The following PLXNA1 variants were observed in gnomAD, a reference collection of about 807,000 sequenced individuals.
PLXNA1 encodes the protein plexin-A1.
PLXNA1 carries 77 observed loss-of-function variants against 191.7 expected under a neutral mutation model. That is an observed-to-expected ratio of 0.40 (90% CI 0.33 to 0.49). The LOEUF is 0.49. Ranked by LOEUF, PLXNA1 falls within the 20% of genes least tolerant of loss-of-function variation. The probability of loss-of-function intolerance (pLI) is 0.63; values close to 1 mark genes in which losing one functional copy is unlikely to be tolerated. For synonymous variants in PLXNA1, 1,137 were observed against 1,156.4 expected (o/e 0.98, Z 0.34); for missense variants, 2,110 against 2,660.2 (o/e 0.79, Z 4.55).
chr3:126,997,783 T>C (rs915748664), intron 3 of PLXNA1, among the ~76,000 whole-genome samples: 1 of 152,216 alleles, frequency 6.6e-6, no homozygotes, highest in Non-Finnish European at 1.5e-5. Context: ...TCCCAGTGGC[T>C]GGCAGGGCCA....
At chr3:126,985,624 T>C (rs1439740264) in intron 1 of PLXNA1, among the ~76,000 whole-genome samples, 1 of 151,964 alleles carries the variant, frequency 6.6e-6, no homozygotes, top group Non-Finnish European at 1.5e-5. Context: ...CTGCCCATGC[T>C]CCCCTCCTAG....
rs1259524882 is a variant in PLXNA1, at chr3:127,032,791, C to T, written c.5550C>T (p.Ser1850=). 6.2e-7 allele frequency: 1 copy of T among 1,605,582 alleles called. No individual in the cohort carries two copies. Among genetic ancestry groups the T allele is most frequent in the Non-Finnish European group, 8.5e-7 (1 of 1,176,476 alleles). ...RLHLSQFNSM[S]ALHEIYSYIT... ...ACCTGAGCCAGTTCAACAGCATGAG[C>T]GCCTTGCACGAGATCTACTCCTACA... Residue 1850 remains serine (S), a synonymous_variant, in exon 31 of 32, where the codon AGC becomes AGT. Coordinates refer to ENST00000393409, the MANE Select transcript of PLXNA1 (RefSeq NM_032242.4).
intron 5 of PLXNA1, 39 bp from the exon 6 acceptor site, chr3:127,004,846 G>A: frequency 6.4e-7 from 1 of 1,566,178 alleles, no homozygotes; most frequent in Non-Finnish European, 8.7e-7. Flanking sequence ...GGCCCCGTAG[G>A]TCTCCCCATC....
At chr3:127,029,819 G>A (rs967275570) in intron 27 of PLXNA1, 55 bp from the exon 28 acceptor site, 19 of 1,490,666 alleles carry the variant, frequency 1.3e-5, no homozygotes, top group Admixed American at 2.2e-5. Context: ...AAACAGGCTC[G>A]GGCGGGGGGT....
At position 127,029,533 on chromosome 3, in the gene PLXNA1, T is replaced by TA; in HGVS notation, c.4868dup (p.Tyr1623Ter). 1 of 1,613,610 alleles carries TA rather than the reference T, an allele frequency of 6.2e-7. No homozygotes were observed. The highest frequency in any genetic ancestry group is 8.5e-7 in the Non-Finnish European group (1 of 1,179,818). Reference sequence around the variant, plus strand: ...CACCTTCACCAAGTCCCTCAGCAGATACGGTGAGGGGCCAGGCAGCGGGCG... The same window carrying TA: ...CACCTTCACCAAGTCCCTCAGCAGATAACGGTGAGGGGCCAGGCAGCGGGCG... ...SSTFTKSLSR[Y>*]ESMLRTASSP... is the part of the protein sequence containing the mutation. Residue 1623 changes from tyrosine to a stop codon, truncating the protein, a stop_gained and frameshift_variant, in exon 27 of 32, where the codon TAC becomes TAAC. Transcript: ENST00000393409. LOFTEE classifies it high-confidence loss of function.
rs1303260288 is a variant in PLXNA1 at position 127,014,471 on chromosome 3, C to T, written c.2605-7C>T. The T allele has an allele frequency of 1.9e-6, 3 of 1,600,548 alleles. No homozygotes were observed. Among genetic ancestry groups the T allele is most frequent in the African/African-American group, 2.7e-5 (2 of 74,898 alleles). ...GATGCCTGTACCCCAGCCTCTGCCT[C>T]CCTCAGCTGTCCCCCGAGACGGGCC... On this transcript the variant is annotated splice_polypyrimidine_tract_variant and splice_region_variant and intron_variant, in intron 12 of 31. Transcript: ENST00000393409.
chr3:127,008,413 A>G (rs1289669969), intron 9 of PLXNA1, among the ~76,000 whole-genome samples: 1 of 152,082 alleles, frequency 6.6e-6, no homozygotes, highest in Non-Finnish European at 1.5e-5. Flanking sequence ...GCTGAGTGGT[A>G]ATTGCTAGTA....
chr3:127,000,351 C>T (rs564625718), intron 3 of PLXNA1, among the ~76,000 whole-genome samples: 31 of 152,206 alleles, frequency 2.0e-4, no homozygotes, highest in South Asian at 1.9e-3. Flanking sequence ...CTGGGCCCAG[C>T]CACCTCGAGG....
chr3:126,993,755 G>C lies in PLXNA1; in HGVS notation c.1377+2189G>C, dbSNP rs540872536. Among the ~76,000 whole-genome samples the C allele has an allele frequency of 1.2e-4, 19 of 152,320 alleles. No individual in the cohort carries two copies. In the South Asian group the frequency reaches 2.1e-3, roughly 17 times the overall value. ...GGGACTTGGGTCTGAGTTTTGTTCGGAGGCCCCCCCAGGCAAGGCACGCCT... is the reference window on the plus strand; with the variant it reads ...GGGACTTGGGTCTGAGTTTTGTTCGCAGGCCCCCCCAGGCAAGGCACGCCT... On this transcript the variant is annotated intron_variant, in intron 3 of 31. Coordinates refer to ENST00000393409, the MANE Select transcript of PLXNA1 (RefSeq NM_032242.4).
chr3:127,012,122 C>G lies in PLXNA1; in HGVS notation c.2277C>G (p.Arg759=). 6.2e-7 allele frequency: 1 copy of G among 1,613,078 alleles called. No individual in the cohort carries two copies. Among genetic ancestry groups the G allele is most frequent in the Non-Finnish European group, 8.5e-7 (1 of 1,179,984 alleles). ...PGSPARVTAL[R]FNSSSLQCQN... is the part of the protein sequence containing the mutation. Reference sequence around the variant, plus strand: ...GCCCGGCCCGTGTCACCGCCCTGCGCTTCAACAGCTCCAGCCTGCAGTGCC... The same window carrying G: ...GCCCGGCCCGTGTCACCGCCCTGCGGTTCAACAGCTCCAGCCTGCAGTGCC... Residue 759 remains arginine, a synonymous_variant, in exon 10 of 32, where the codon CGC becomes CGG. Coordinates refer to ENST00000393409, the MANE Select transcript of PLXNA1 (RefSeq NM_032242.4).
Position 126,988,599 on chromosome 3 carries a change from G to A in PLXNA1, c.6G>A (p.Pro2=), listed in dbSNP as rs774541753. 25 of 1,512,714 alleles carry A rather than the reference G, an allele frequency of 1.7e-5. No individual in the cohort carries two copies. The highest frequency in any genetic ancestry group is 1.6e-4 in the South Asian group (12 of 76,074). 93.7% of individuals were successfully genotyped at this position (1,512,714 alleles called of 1,614,324 possible). The change falls in exon 2 of 32, where the codon CCG becomes CCA. Residue 2 remains proline, a synonymous_variant. Transcript: ENST00000393409. ...GCCCAAGGCCCCAGCCTGCCATGCC[G>A]CTGCCACCGCGGAGCCTGCAGGTGC... M[P]LPPRSLQVLL...
At position 127,022,230 on chromosome 3, in the gene PLXNA1, C is replaced by T. The variant is rs775284582; in HGVS notation, c.4184C>T (p.Thr1395Met). Reference protein sequence around the residue: ...DRGNVASLIMTALQGEMEYAT... With the variant: ...DRGNVASLIMMALQGEMEYAT... ...GGGAATGTGGCCTCGCTCATCATGA[C>T]GGCCCTGCAGGGCGAGATGGAATAC... Residue 1395 changes from threonine to methionine, a missense_variant, in exon 22 of 32, where the codon ACG (threonine) becomes ATG (methionine). By Grantham distance (81) the Thr-to-Met change is moderately conservative. This residue lies in a region of PLXNA1 where 559 missense variants were observed against 911.5 expected (regional missense o/e 0.61). Coordinates refer to ENST00000393409, the MANE Select transcript of PLXNA1 (RefSeq NM_032242.4). The T allele has an allele frequency of 2.5e-6, 4 of 1,613,416 alleles. No homozygotes were observed. Among genetic ancestry groups the T allele is most frequent in the Non-Finnish European group, 3.4e-6 (4 of 1,179,972 alleles).
Position 126,996,630 on chromosome 3 carries a change from C to T in PLXNA1, c.1377+5064C>T, listed in dbSNP as rs998124386. On this transcript the variant is annotated intron_variant, in intron 3 of 31. Coordinates refer to ENST00000393409, the MANE Select transcript of PLXNA1 (RefSeq NM_032242.4). The stretch of plus-strand genomic sequence containing the variant: ...GTGCTGGCCACAGGCAGCCCTGACC[C>T]AAGGGAGGTGCAGGGCAGGACTGAG... 2.0e-5 allele frequency among the ~76,000 whole-genome samples: 3 copies of T among 152,168 alleles called. No individual in the cohort carries two copies. The East Asian group carries it at 5.8e-4, about 29-fold the overall frequency.
At chr3:127,005,727 A>G (rs2079064798) in intron 7 of PLXNA1, among the ~76,000 whole-genome samples, 1 of 143,048 alleles carries the variant, frequency 7.0e-6, no homozygotes, top group Admixed American at 7.0e-5. Flanking sequence ...GGGGTGGGCT[A>G]TGTGGGGCGC....
Position 127,014,437 on chromosome 3 carries a change from G to A in PLXNA1, c.2605-41G>A, listed in dbSNP as rs753846042. On this transcript the variant is annotated intron_variant, in intron 12 of 31. Coordinates refer to ENST00000393409, the MANE Select transcript of PLXNA1 (RefSeq NM_032242.4). ...CGCCCTGCACCACCGCACACCCTAC[G>A]CCCTGTGGGATGCCTGTACCCCAGC... 1.3e-5 allele frequency: 20 copies of A among 1,587,424 alleles called. No individual in the cohort carries two copies. In the Admixed American group the frequency reaches 2.2e-4, roughly 18 times the overall value.
At chr3:127,014,428 A>C (rs1001377092) in intron 12 of PLXNA1, 50 bp from the exon 13 acceptor site, 4 of 1,576,844 alleles carry the variant, frequency 2.5e-6, no homozygotes, top group Non-Finnish European at 2.6e-6. Context: ...GCACCACCGC[A>C]CACCCTACGC....
At chr3:127,018,860 C>G (rs776813994) in intron 20 of PLXNA1, among the ~76,000 whole-genome samples, 7 of 152,216 alleles carry the variant, frequency 4.6e-5, no homozygotes, top group Admixed American at 3.3e-4. Context: ...AGAGTGGGCA[C>G]AATGACAGTG....
Position 127,022,222 on chromosome 3 carries a change from C to T in PLXNA1, c.4176C>T (p.Leu1392=), listed in dbSNP as rs759228292. Residue 1392 remains leucine, a synonymous_variant, in exon 22 of 32, where the codon CTC becomes CTT. Transcript: ENST00000393409. The stretch of plus-strand genomic sequence containing the variant: ...GCGACCGCGGGAATGTGGCCTCGCT[C>T]ATCATGACGGCCCTGCAGGGCGAGA... ...SMRDRGNVAS[L]IMTALQGEME... 1.4e-5 allele frequency: 23 copies of T among 1,613,356 alleles called. No homozygotes were observed. In the East Asian group the frequency reaches 4.0e-4, roughly 28 times the overall value.
At chr3:127,013,925 C>T in intron 10 of PLXNA1, 95 bp from the exon 11 acceptor site, 2 of 1,117,066 alleles carry the variant, frequency 1.8e-6, no homozygotes. Flanking sequence ...AGAAACTTCC[C>T]CCTAAGCTGG....
Sources: allele counts gnomAD v4.1 joint callset (sites outside exome capture counted in the v4.1 genomes callset), GRCh38; gene constraint gnomAD v4.1.1; regional missense constraint gnomAD v4.1.1; transcripts MANE v1.5; gene names NCBI Gene and HGNC (gene_info 2026-07-23, HGNC 2026-07-21).